The following NPAS1 variants were observed in gnomAD, a reference collection of about 807,000 sequenced individuals.
NPAS1 encodes the protein neuronal PAS domain-containing protein 1.
In NPAS1, 29 loss-of-function variants were observed where a neutral mutation model predicts 49.2. The ratio of observed to expected loss-of-function variants is 0.59; its 90% CI spans 0.44 to 0.80. NPAS1 has a LOEUF of 0.80. NPAS1 is among the 30% of genes least tolerant of loss of function. The pLI, the probability that NPAS1 is intolerant of heterozygous loss-of-function variation, is 0.00. For synonymous variants in NPAS1, 408 were observed against 380.4 expected (o/e 1.07, Z -0.84); for missense variants, 825 against 835.5 (o/e 0.99, Z 0.15).
intron 6 of NPAS1, among the ~76,000 whole-genome samples, chr19:47,038,063 G>A (rs2056976718): frequency 6.6e-6 from 1 of 152,194 alleles, no homozygotes. Flanking sequence ...CAGAGGGGAT[G>A]GCTGACCCAG....
chr19:47,032,494 G>A, intron 4 of NPAS1, 143 bp downstream of exon 4: 1 of 1,106,640 alleles, frequency 9.0e-7, no homozygotes, highest in South Asian at 1.4e-5. Context: ...TCCACTCCCT[G>A]CCCCTTCCGA....
Position 47,021,874 on chromosome 19 carries a change from T to TC in NPAS1, c.358+30dup. 3 of 1,364,918 alleles carry TC rather than the reference T, an allele frequency of 2.2e-6. No individual in the cohort carries two copies. The highest frequency in any genetic ancestry group is 2.9e-6 in the Non-Finnish European group (3 of 1,048,984). 84.6% of individuals were successfully genotyped at this position (1,364,918 alleles called of 1,614,324 possible). A position where few individuals can be genotyped will look rare whatever the true frequency, so the allele number is the denominator to read the frequency against. On this transcript the variant is annotated intron_variant, in intron 3 of 11. Transcript: ENST00000602212. The surrounding 1 kb of genome is among the most constrained non-coding windows in gnomAD (Gnocchi z 5.7). The stretch of plus-strand genomic sequence containing the variant: ...TGAGTGCTCATGCGCGGGGCGAGGG[T>TC]CCCGGGGCCCTCCAGGCGGAGTCAC...
In NPAS1 at chr19:47,045,381, G is replaced by T. The variant is rs762690572; in HGVS notation, c.1503G>T (p.Gly501=). 32 of 1,613,174 alleles carry T rather than the reference G, an allele frequency of 2.0e-5. No homozygotes were observed. The South Asian group carries it at 2.7e-4, about 14-fold the overall frequency. The change falls in exon 12 of 12, where the codon GGG becomes GGT. Residue 501 remains glycine, a synonymous_variant. Transcript: ENST00000602212. ...AGTTCACCTCTGTCATCCGGGCAGG[G>T]GTCCTGAAGCAGGATCCGGTGCGGC... The part of the protein sequence containing the change: ...RPEFTSVIRA[G]VLKQDPVRPW...
In NPAS1 at chr19:47,026,714, T is replaced by G. The variant is rs181027205; in HGVS notation, c.358+4867T>G. Among the ~76,000 whole-genome samples the G allele has an allele frequency of 4.8e-3, 727 of 151,920 alleles. 2 individuals are homozygous for G. Among genetic ancestry groups the G allele is most frequent in the African/African-American group, 0.013 (524 of 41,436 alleles). The stretch of plus-strand genomic sequence containing the variant: ...TCACACCTGTAATCCCAGCACTTTG[T>G]GAGGCCGAGGCAGGTGGATCACCTG... On this transcript the variant is annotated intron_variant, in intron 3 of 11. Transcript: ENST00000602212.
chr19:47,035,713 A>T (rs2056946754), intron 5 of NPAS1: 2 of 444,062 alleles, frequency 4.5e-6, no homozygotes, highest in Non-Finnish European at 7.9e-6. Context: ...CCCCACTCCC[A>T]CACACAGCCC....
Position 47,045,731 on chromosome 19 carries a change from C to A in NPAS1, c.*80C>A. 1 of 1,241,590 alleles carries A rather than the reference C, an allele frequency of 8.1e-7. No homozygotes were observed. Among genetic ancestry groups the A allele is most frequent in the Non-Finnish European group, 1.1e-6 (1 of 941,954 alleles). The allele number at this position is 1,241,590 out of a possible 1,614,324, so 76.9% of individuals were successfully genotyped here. A position where few individuals can be genotyped will look rare whatever the true frequency, so the allele number is the denominator to read the frequency against. ...AGTAGGCCCGGCTCTGCCCGTAGCCCTGAGAATTAAACGCCGGCTCTCCCT... is the reference window on the plus strand; with the variant it reads ...AGTAGGCCCGGCTCTGCCCGTAGCCATGAGAATTAAACGCCGGCTCTCCCT... On this transcript the variant is annotated 3_prime_UTR_variant, in exon 12 of 12. Coordinates refer to ENST00000602212, the MANE Select transcript of NPAS1 (RefSeq NM_002517.4).
intron 9 of NPAS1, 186 bp downstream of exon 9, chr19:47,040,736 TG>T (rs918334774): frequency 2.2e-5 from 13 of 584,478 alleles, no homozygotes; most frequent in African/African-American, 2.1e-4. Context: ...AGGATGTGTG[TG>T]TGGGGGGGGG....
At chr19:47,026,332 T>C (rs2056870566) in intron 3 of NPAS1, among the ~76,000 whole-genome samples, 1 of 152,160 alleles carries the variant, frequency 6.6e-6, no homozygotes, top group Non-Finnish European at 1.5e-5. Context: ...GAACAGCAGG[T>C]GCAAAGGCCC....
intron 6 of NPAS1, 76 bp downstream of exon 6, chr19:47,036,205 C>T (rs1439872136): frequency 1.3e-5 from 19 of 1,419,220 alleles, no homozygotes; most frequent in Non-Finnish European, 1.7e-5. Flanking sequence ...TCCAGCCATG[C>T]CGCGTTTATA....
Position 47,021,974 on chromosome 19 carries a change from G to C in NPAS1, c.358+127G>C. On this transcript the variant is annotated intron_variant, in intron 3 of 11. Transcript: ENST00000602212. The surrounding 1 kb of genome is among the most constrained non-coding windows in gnomAD (Gnocchi z 5.7). ...CTGGAGTCAGCCAGGACCTTTGCGT[G>C]TCCCTATCAGGTGGCTTCTGCTCTC... The C allele has an allele frequency of 1.8e-6, 1 of 567,912 alleles. No homozygotes were observed. The highest frequency in any genetic ancestry group is 2.9e-6 in the Non-Finnish European group (1 of 349,364). The allele number at this position is 567,912 out of a possible 1,614,324, so 35.2% of individuals were successfully genotyped here. A position where few individuals can be genotyped will look rare whatever the true frequency, so the allele number is the denominator to read the frequency against.
In NPAS1 at chr19:47,021,559, AAGCCCCTG is replaced by A; in HGVS notation, c.123-46_123-39del. On this transcript the variant is annotated intron_variant, in intron 2 of 11. Coordinates refer to ENST00000602212, the MANE Select transcript of NPAS1 (RefSeq NM_002517.4). This position sits in a 1 kb window ranked among gnomAD's most constrained non-coding sequence, Gnocchi z 5.7. ...GAGGCGGGGCTCGCCCCCAGTTCCCAAGCCCCTGAGCCCCGGGGCCCCGCCGACACCTC... is the reference window on the plus strand; with the variant it reads ...GAGGCGGGGCTCGCCCCCAGTTCCCAAGCCCCGGGGCCCCGCCGACACCTC... 7.9e-7 allele frequency: 1 copy of A among 1,266,348 alleles called. No homozygotes were observed. Among genetic ancestry groups the A allele is most frequent in the Non-Finnish European group, 1.0e-6 (1 of 958,248 alleles). 78.4% of individuals were successfully genotyped at this position (1,266,348 alleles called of 1,614,324 possible). A position where few individuals can be genotyped will look rare whatever the true frequency, so the allele number is the denominator to read the frequency against.
rs764853859 is a variant in NPAS1 at position 47,032,744 on chromosome 19, C to A, written c.522+12C>A. 1 of 1,596,314 alleles carries A rather than the reference C, an allele frequency of 6.3e-7. No individual in the cohort carries two copies. The highest frequency in any genetic ancestry group is 8.6e-7 in the Non-Finnish European group (1 of 1,163,928). On this transcript the variant is annotated intron_variant, in intron 5 of 11. Transcript: ENST00000602212. ...TGGGTCTCTCACAGGTAAGGGACCC[C>A]CAGTGGACCTGGATTGGCTCAGCCA...
chr19:47,039,532 C>G lies in NPAS1; in HGVS notation c.930C>G (p.Ser310Arg), dbSNP rs775619044. 4 of 1,598,700 alleles carry G rather than the reference C, an allele frequency of 2.5e-6. No homozygotes were observed. Among genetic ancestry groups the G allele is most frequent in the Non-Finnish European group, 3.4e-6 (4 of 1,170,636 alleles). ...LHGHMIVFRL[S>R]LGLTILACES... ...GACACATGATCGTCTTCCGTCTCAG[C>G]CTGGGTCTCACCATCCTTGCTTGTG... The change falls in exon 8 of 12, where the codon AGC (serine) becomes AGG (arginine). Residue 310 changes from serine (S) to arginine (R), a missense_variant. Physicochemically the swap from Ser to Arg is moderately radical, Grantham distance 110. Transcript: ENST00000602212.
Position 47,021,871 on chromosome 19 carries a change from G to A in NPAS1, c.358+24G>A. The A allele has an allele frequency of 7.2e-7, 1 of 1,388,082 alleles. No homozygotes were observed. The highest frequency in any genetic ancestry group is 2.9e-5 in the Admixed American group (1 of 34,042). The allele number at this position is 1,388,082 out of a possible 1,614,324, so 86.0% of individuals were successfully genotyped here. A position where few individuals can be genotyped will look rare whatever the true frequency, so the allele number is the denominator to read the frequency against. On this transcript the variant is annotated intron_variant, in intron 3 of 11. Coordinates refer to ENST00000602212, the MANE Select transcript of NPAS1 (RefSeq NM_002517.4). The surrounding 1 kb of genome is among the most constrained non-coding windows in gnomAD (Gnocchi z 5.7). ...CGGTGAGTGCTCATGCGCGGGGCGAGGGTCCCGGGGCCCTCCAGGCGGAGT... is the reference window on the plus strand; with the variant it reads ...CGGTGAGTGCTCATGCGCGGGGCGAAGGTCCCGGGGCCCTCCAGGCGGAGT...
chr19:47,028,110 C>G (rs967425209), intron 3 of NPAS1, among the ~76,000 whole-genome samples: 30 of 151,706 alleles, frequency 2.0e-4, no homozygotes, highest in Non-Finnish European at 3.5e-4. Context: ...CTAATCCCGA[C>G]GTGCCCATTA....
chr19:47,036,167 T>C (rs1321637001), intron 6 of NPAS1, 38 bp downstream of exon 6: 1 of 1,544,342 alleles, frequency 6.5e-7, no homozygotes, highest in Non-Finnish European at 8.8e-7. Context: ...AGTCTGAGGG[T>C]AGATCGGGGG....
At position 47,045,750 on chromosome 19, in the gene NPAS1, T is replaced by G; in HGVS notation, c.*99T>G. The G allele has an allele frequency of 8.8e-7, 1 of 1,133,324 alleles. No homozygotes were observed. Among genetic ancestry groups the G allele is most frequent in the Non-Finnish European group, 1.2e-6 (1 of 843,924 alleles). The allele number at this position is 1,133,324 out of a possible 1,614,324, so 70.2% of individuals were successfully genotyped here. On this transcript the variant is annotated 3_prime_UTR_variant, in exon 12 of 12. Coordinates refer to ENST00000602212, the MANE Select transcript of NPAS1 (RefSeq NM_002517.4). The stretch of plus-strand genomic sequence containing the variant: ...GTAGCCCTGAGAATTAAACGCCGGC[T>G]CTCCCTGCAGTGGTTTGGGCTCCGG...
Position 47,042,914 on chromosome 19 carries a change from A to G in NPAS1, c.1312+10A>G. ...GGGCCAGAGCCCACAGGTGAGCCCC[A>G]CCTCCCACCTTGGCCCCTGGGAAGC... On this transcript the variant is annotated intron_variant, in intron 11 of 11. Coordinates refer to ENST00000602212, the MANE Select transcript of NPAS1 (RefSeq NM_002517.4). 1.3e-6 allele frequency: 2 copies of G among 1,568,148 alleles called. No individual in the cohort carries two copies. The highest frequency in any genetic ancestry group is 1.7e-6 in the Non-Finnish European group (2 of 1,157,626).
chr19:47,031,388 C>T (rs1464747401), intron 3 of NPAS1, among the ~76,000 whole-genome samples: 1 of 151,380 alleles, frequency 6.6e-6, no homozygotes, highest in East Asian at 1.9e-4. Context: ...TTAGTAGGGA[C>T]GGTTTCACCA....
Sources: allele counts gnomAD v4.1 joint callset (sites outside exome capture counted in the v4.1 genomes callset), GRCh38; gene constraint gnomAD v4.1.1; non-coding constraint Gnocchi (gnomAD v3.1); transcripts MANE v1.5; gene names NCBI Gene and HGNC (gene_info 2026-07-23, HGNC 2026-07-21).